The following TNRC6A variants were observed in gnomAD, a reference collection of about 807,000 sequenced individuals.
The protein encoded by TNRC6A is trinucleotide repeat containing adaptor 6A.
A neutral mutation model predicts 221.2 loss-of-function variants in TNRC6A; 44 were observed. The ratio of observed to expected loss-of-function variants is 0.20; its 90% CI spans 0.16 to 0.26. The LOEUF (loss-of-function observed/expected upper bound fraction) is 0.26, where lower values mean the gene tolerates loss of function less well. Ranked by LOEUF, TNRC6A falls within the 10% of genes least tolerant of loss-of-function variation. The pLI is 1.00. For synonymous variants in TNRC6A, 847 were observed against 838.5 expected (o/e 1.01, Z -0.18); for missense variants, 2,199 against 2,404.4 (o/e 0.91, Z 1.79).
At chr16:24,748,269 C>A (rs1052695019) in intron 2 of TNRC6A, among the ~76,000 whole-genome samples, 14 of 152,210 alleles carry the variant, frequency 9.2e-5, no homozygotes, top group Non-Finnish European at 1.6e-4. Context: ...TTAATCTTGA[C>A]TTCTGCATGT....
chr16:24,709,251 C>T (rs1034731004), intron 2 of TNRC6A, among the ~76,000 whole-genome samples: 8 of 128,384 alleles, frequency 6.2e-5, no homozygotes, highest in African/African-American at 2.5e-4. Flanking sequence ...GAGTGAAACT[C>T]TGTCTCAAAA....
At chr16:24,692,803 G>C (rs2055782495) in intron 2 of TNRC6A, among the ~76,000 whole-genome samples, 1 of 151,916 alleles carries the variant, frequency 6.6e-6, no homozygotes, top group South Asian at 2.1e-4. Context: ...ACAAGAGGCA[G>C]TCAATTCTAG....
chr16:24,646,555 C>G (rs1902301138), intron 2 of TNRC6A, among the ~76,000 whole-genome samples: 1 of 152,200 alleles, frequency 6.6e-6, no homozygotes, highest in Non-Finnish European at 1.5e-5. Context: ...AAACATCAGT[C>G]TCTTGTTTTG....
intron 1 of TNRC6A, among the ~76,000 whole-genome samples, chr16:24,626,797 C>G (rs185491042): frequency 6.6e-6 from 1 of 151,522 alleles, no homozygotes; most frequent in African/African-American, 2.4e-5. Flanking sequence ...TTACAGGCAC[C>G]CACCACCACG....
At chr16:24,763,303 CA>C (rs1283061875) in intron 4 of TNRC6A, among the ~76,000 whole-genome samples, 6 of 152,186 alleles carry the variant, frequency 3.9e-5, no homozygotes, top group Admixed American at 3.3e-4. Context: ...CATCATTCTT[CA>C]AAGGGTGGAG....
chr16:24,673,469 A>G lies in TNRC6A; in HGVS notation n.402+32460A>G, dbSNP rs1257573627. 2.0e-5 allele frequency among the ~76,000 whole-genome samples: 3 copies of G among 152,222 alleles called. No homozygotes were observed. In the East Asian group the frequency reaches 5.8e-4, roughly 29 times the overall value. On this transcript the variant is annotated intron_variant and non_coding_transcript_variant, in intron 2 of 2. Coordinates refer to the TNRC6A transcript ENST00000566108. ...CTTTGCAAGGGGCCATGTCCCAGGCAAAGATAAGGAAGTAGATTCTGGCAG... is the reference window on the plus strand; with the variant it reads ...CTTTGCAAGGGGCCATGTCCCAGGCGAAGATAAGGAAGTAGATTCTGGCAG...
intron 2 of TNRC6A, among the ~76,000 whole-genome samples, chr16:24,716,776 G>A (rs979185517): frequency 2.6e-5 from 4 of 151,780 alleles, no homozygotes; most frequent in African/African-American, 9.7e-5. Context: ...TGGCCAACAT[G>A]GTGAAACCCC....
chr16:24,731,199 T>G (rs1032075172), intron 2 of TNRC6A, among the ~76,000 whole-genome samples: 19 of 152,170 alleles, frequency 1.2e-4, no homozygotes, highest in Non-Finnish European at 2.4e-4. Flanking sequence ...TAGCTTTCTT[T>G]TTTTCTTTTT....
At position 24,823,873 on chromosome 16, in the gene TNRC6A, CGCCGCCTGCAGCCAGGG is replaced by C; in HGVS notation, c.*75_*91del. ...AGGGAAAGGAGCACTAAGTGGGGCT[CGCCGCCTGCAGCCAGGG>C]GCCGCCTGTGGGAACAGCTATTCTC... On this transcript the variant is annotated 3_prime_UTR_variant, in exon 25 of 25. Transcript: ENST00000395799. The surrounding 1 kb of genome is among the most constrained non-coding windows in gnomAD (Gnocchi z 4.3). 1 of 1,360,272 alleles carries C rather than the reference CGCCGCCTGCAGCCAGGG, an allele frequency of 7.4e-7. No individual in the cohort carries two copies. Among genetic ancestry groups the C allele is most frequent in the Non-Finnish European group, 9.5e-7 (1 of 1,051,322 alleles). 84.3% of individuals were successfully genotyped at this position (1,360,272 alleles called of 1,614,324 possible).
chr16:24,804,725 A>G lies in TNRC6A; in HGVS notation c.3858A>G (p.Glu1286=), dbSNP rs746803749. 1 of 1,597,390 alleles carries G rather than the reference A, an allele frequency of 6.3e-7. No homozygotes were observed. The highest frequency in any genetic ancestry group is 1.9e-5 in the Admixed American group (1 of 53,774). The change falls in exon 13 of 25, where the codon GAA becomes GAG. Residue 1286 remains glutamate (E), a synonymous_variant. Transcript: ENST00000395799. ...ATCAGGATGGCATTGTAGCAGATGA[A>G]TCCCAAAACATGCAGTTTATGTCCA... ...YFDKDGIVAD[E]SQNMQFMSSQ...
In TNRC6A at chr16:24,822,586, T is replaced by C. The variant is rs112155274; in HGVS notation, c.5374-288T>C. On this transcript the variant is annotated intron_variant, in intron 23 of 24. Coordinates refer to ENST00000395799, the MANE Select transcript of TNRC6A (RefSeq NM_014494.4). ...CCCTCCTCCCTCAGGGAGCAGAACC[T>C]TGATGGATGCTGTCCTCAGGGCAGG... Among the ~76,000 whole-genome samples, 498 of 152,198 alleles carry C rather than the reference T, an allele frequency of 3.3e-3. 4 individuals are homozygous for C. The highest frequency in any genetic ancestry group is 0.012 in the African/African-American group (486 of 41,528).
At chr16:24,702,718 A>G (rs150134241) in intron 2 of TNRC6A, among the ~76,000 whole-genome samples, 52 of 152,172 alleles carry the variant, frequency 3.4e-4, no homozygotes, top group African/African-American at 1.2e-3. Flanking sequence ...CCCGGGTGAC[A>G]CAGTGAGATG....
chr16:24,678,369 A>C (rs995079561), intron 2 of TNRC6A, among the ~76,000 whole-genome samples: 2 of 151,496 alleles, frequency 1.3e-5, no homozygotes, highest in African/African-American at 4.9e-5. Context: ...TTCCAGTATT[A>C]GGTGATAAAA....
chr16:24,728,186 C>T (rs2056525007), upstream of TNRC6A, among the ~76,000 whole-genome samples: 2 of 152,090 alleles, frequency 1.3e-5, no homozygotes, highest in Non-Finnish European at 2.9e-5. Flanking sequence ...CGGTGGCTCA[C>T]GCCTGTAATC....
intron 5 of TNRC6A, among the ~76,000 whole-genome samples, chr16:24,780,647 G>C (rs1490574776): frequency 6.6e-6 from 1 of 152,132 alleles, no homozygotes. Context: ...GCGAAGGAAA[G>C]AGAGAGAATA....
chr16:24,696,121 G>A (rs2055853919), intron 2 of TNRC6A, among the ~76,000 whole-genome samples: 1 of 152,040 alleles, frequency 6.6e-6, no homozygotes, highest in African/African-American at 2.4e-5. Flanking sequence ...GGCCGAGGCG[G>A]GTGGATCACG....
chr16:24,639,265 A>G (rs1367069896), intron 1 of TNRC6A, among the ~76,000 whole-genome samples: 1 of 152,178 alleles, frequency 6.6e-6, no homozygotes, highest in Non-Finnish European at 1.5e-5. Flanking sequence ...CAGGAGAATT[A>G]TGTGAAGCCA....
upstream of TNRC6A, chr16:24,729,573 G>C (rs896250618): frequency 7.8e-6 from 3 of 386,818 alleles, no homozygotes; most frequent in Non-Finnish European, 1.4e-5. Flanking sequence ...CCCAATCTGC[G>C]GGTCCAGTTG....
chr16:24,765,357 A>G lies in TNRC6A; in HGVS notation c.163+6997A>G, dbSNP rs372266942. Among the ~76,000 whole-genome samples the G allele has an allele frequency of 8.5e-5, 13 of 152,338 alleles. No homozygotes were observed. The East Asian group carries it at 2.5e-3, about 29-fold the overall frequency. The stretch of plus-strand genomic sequence containing the variant: ...TTAGGGTAAACAGAAAAGGCCACTC[A>G]CAGCTGAAGATGACAATCCCAGAGA... On this transcript the variant is annotated intron_variant, in intron 4 of 24. Transcript: ENST00000395799.
Sources: allele counts gnomAD v4.1 joint callset (sites outside exome capture counted in the v4.1 genomes callset), GRCh38; gene constraint gnomAD v4.1.1; non-coding constraint Gnocchi (gnomAD v3.1); transcripts MANE v1.5; gene names NCBI Gene and HGNC (gene_info 2026-07-23, HGNC 2026-07-21).